Variants in DIAPH3 observed in about 807,000 individuals in gnomAD.
The protein encoded by DIAPH3 is diaphanous related formin 3.
A neutral mutation model predicts 144.3 loss-of-function variants in DIAPH3; 117 were observed. The ratio of observed to expected loss-of-function variants is 0.81; its 90% CI spans 0.70 to 0.95. DIAPH3 has a LOEUF of 0.95. Among genes scored for constraint, DIAPH3 ranks in the 40% least tolerant of loss-of-function variants. The pLI, the probability that DIAPH3 is intolerant of heterozygous loss-of-function variation, is 0.00. For synonymous variants in DIAPH3, 519 were observed against 488.9 expected (o/e 1.06, Z -0.81); for missense variants, 1,421 against 1,412.7 (o/e 1.01, Z -0.09).
chr13:59,924,655 A>G (rs1026488022), intron 18 of DIAPH3, 120 bp downstream of exon 18: 3 of 1,430,274 alleles, frequency 2.1e-6, no homozygotes, highest in Admixed American at 2.5e-5. Flanking sequence ...CTGTGAATTT[A>G]TCATGCATAT....
chr13:60,022,965 A>C (rs1036785380), intron 5 of DIAPH3, among the ~76,000 whole-genome samples: 3 of 152,098 alleles, frequency 2.0e-5, no homozygotes, highest in Non-Finnish European at 4.4e-5. Context: ...CATGATGAAC[A>C]TTGGTTTGTA....
intron 12 of DIAPH3, among the ~76,000 whole-genome samples, chr13:59,990,816 T>C (rs1480947072): frequency 6.6e-6 from 1 of 151,980 alleles, no homozygotes; most frequent in East Asian, 1.9e-4. Context: ...GTGCCCTTCA[T>C]GTAACTTATA....
intron 27 of DIAPH3, among the ~76,000 whole-genome samples, chr13:59,684,968 G>C (rs763602354): frequency 3.9e-5 from 6 of 152,054 alleles, no homozygotes; most frequent in Non-Finnish European, 8.8e-5. Context: ...TGTCCTATGA[G>C]AATGGCAGCT....
intron 27 of DIAPH3, among the ~76,000 whole-genome samples, chr13:59,712,438 G>A (rs186764723): frequency 6.6e-6 from 1 of 152,304 alleles, no homozygotes; most frequent in East Asian, 1.9e-4. Context: ...ACCATGTTCT[G>A]TATTTTCTCT....
chr13:59,779,127 C>G (rs2038588862), intron 25 of DIAPH3, among the ~76,000 whole-genome samples: 1 of 152,172 alleles, frequency 6.6e-6, no homozygotes, highest in Non-Finnish European at 1.5e-5. Flanking sequence ...CACCTGGAAC[C>G]TCTACCCCTG....
chr13:59,906,980 A>G (rs2046773412), intron 20 of DIAPH3, among the ~76,000 whole-genome samples: 1 of 152,242 alleles, frequency 6.6e-6, no homozygotes, highest in South Asian at 2.1e-4. Flanking sequence ...AACTAAAGTC[A>G]GGCTCTACTC....
intron 9 of DIAPH3, among the ~76,000 whole-genome samples, chr13:60,007,131 A>C (rs2052927704): frequency 6.6e-6 from 1 of 151,836 alleles, no homozygotes; most frequent in South Asian, 2.1e-4. Flanking sequence ...GGCTCACTGC[A>C]ACCACTGTCT....
intron 27 of DIAPH3, among the ~76,000 whole-genome samples, chr13:59,749,029 C>T (rs1175079039): frequency 6.6e-6 from 1 of 151,708 alleles, no homozygotes; most frequent in Non-Finnish European, 1.5e-5. Flanking sequence ...GCCTGGCCAA[C>T]ATGGTGAAGC....
intron 17 of DIAPH3, among the ~76,000 whole-genome samples, chr13:59,935,403 C>G (rs1258042776): frequency 6.6e-6 from 1 of 152,074 alleles, no homozygotes; most frequent in Non-Finnish European, 1.5e-5. Flanking sequence ...ATGGAATACA[C>G]TTGATAAACT....
intron 3 of DIAPH3, 145 bp downstream of exon 3, chr13:60,111,865 A>C (rs2058578119): frequency 6.3e-6 from 5 of 790,826 alleles, no homozygotes; most frequent in African/African-American, 5.3e-5. Flanking sequence ...TAATCCAAAA[A>C]CTCTTTGTGG....
At chr13:60,143,693 G>A (rs982740437) in intron 1 of DIAPH3, among the ~76,000 whole-genome samples, 2 of 152,102 alleles carry the variant, frequency 1.3e-5, no homozygotes, top group African/African-American at 4.8e-5. Context: ...CTTGATTTTT[G>A]TCATGGTCAA....
At chr13:60,137,919 T>G (rs1460972729) in intron 1 of DIAPH3, among the ~76,000 whole-genome samples, 2 of 151,972 alleles carry the variant, frequency 1.3e-5, no homozygotes, top group African/African-American at 4.8e-5. Flanking sequence ...AGACAGGGTT[T>G]CGCCATGTTG....
chr13:59,710,195 T>C (rs2034656343), intron 27 of DIAPH3, among the ~76,000 whole-genome samples: 1 of 150,532 alleles, frequency 6.6e-6, no homozygotes, highest in Non-Finnish European at 1.5e-5. Context: ...TGTATACATA[T>C]GTAACTAACC....
chr13:59,862,386 G>A (rs1277575250), intron 21 of DIAPH3, among the ~76,000 whole-genome samples: 1 of 152,164 alleles, frequency 6.6e-6, no homozygotes, highest in East Asian at 1.9e-4. Flanking sequence ...GCTCCCTCCA[G>A]TGAGTGTGGC....
intron 24 of DIAPH3, among the ~76,000 whole-genome samples, chr13:59,821,633 C>T (rs1261072266): frequency 1.3e-5 from 2 of 152,026 alleles, no homozygotes; most frequent in Non-Finnish European, 2.9e-5. Context: ...CAAAAACAAA[C>T]TTATTATAGC....
intron 2 of DIAPH3, among the ~76,000 whole-genome samples, chr13:60,118,113 T>C (rs1192729199): frequency 1.3e-5 from 2 of 152,152 alleles, no homozygotes; most frequent in South Asian, 2.1e-4. Context: ...TATAAATTAA[T>C]ATCACGTATC....
Position 59,672,088 on chromosome 13 carries a change from T to A in DIAPH3, c.3320-5242A>T, listed in dbSNP as rs536830655. Among the ~76,000 whole-genome samples, 44 of 152,360 alleles carry A rather than the reference T, an allele frequency of 2.9e-4. 1 individual carries two copies. The South Asian group carries it at 9.1e-3, about 32-fold the overall frequency. On this transcript the variant is annotated intron_variant, in intron 27 of 27. Coordinates refer to ENST00000400324, the MANE Select transcript of DIAPH3 (RefSeq NM_001042517.2). ...ATATGTGAATATATGCAACTTGGCA[T>A]CTAAATGAGGAAATATTTCAGCCAA...
chr13:59,974,433 G>C lies in DIAPH3; in HGVS notation c.1569C>G (p.His523Gln). 1 of 1,611,432 alleles carries C rather than the reference G, an allele frequency of 6.2e-7. No homozygotes were observed. The highest frequency in any genetic ancestry group is 1.3e-5 in the African/African-American group (1 of 74,796). Reference protein sequence around the residue: ...YKKFEKEFTDHQETQAELQKK... With the variant: ...YKKFEKEFTDQQETQAELQKK... Reference sequence around the variant, plus strand: ...TCTGCAATTCAGCCTGAGTTTCTTGGTGGTCGGTAAACTCTTTTTCAAACT... The same window carrying C: ...TCTGCAATTCAGCCTGAGTTTCTTGCTGGTCGGTAAACTCTTTTTCAAACT... The change falls in exon 15 of 28, where the codon CAC (histidine) becomes CAG (glutamine). Residue 523 changes from histidine to glutamine, a missense_variant. Transcript: ENST00000400324.
At chr13:59,680,074 A>G (rs895183957) in intron 27 of DIAPH3, among the ~76,000 whole-genome samples, 2 of 152,212 alleles carry the variant, frequency 1.3e-5, no homozygotes, top group Non-Finnish European at 2.9e-5. Context: ...CTTGGTCACA[A>G]GCAGCACCCT....
Sources: allele counts gnomAD v4.1 joint callset (sites outside exome capture counted in the v4.1 genomes callset), GRCh38; gene constraint gnomAD v4.1.1; transcripts MANE v1.5; gene names NCBI Gene and HGNC (gene_info 2026-07-23, HGNC 2026-07-21).